Variants in SORCS2 observed in about 807,000 individuals in gnomAD.
SORCS2 encodes VPS10 domain-containing receptor SorCS2.
In SORCS2, 100 loss-of-function variants were observed where a neutral mutation model predicts 141.6. The observed-to-expected ratio is 0.71, with a 90% CI of 0.60 to 0.83. The LOEUF (loss-of-function observed/expected upper bound fraction) is 0.83. Among genes scored for constraint, SORCS2 ranks in the 40% least tolerant of loss-of-function variants. The pLI is 0.00. For synonymous variants in SORCS2, 789 were observed against 676.9 expected (o/e 1.17, Z -2.57); for missense variants, 1,646 against 1,560.2 (o/e 1.05, Z -0.93).
At chr4:7,649,883 G>A (rs1014361985) in intron 4 of SORCS2, among the ~76,000 whole-genome samples, 3 of 152,172 alleles carry the variant, frequency 2.0e-5, no homozygotes, top group African/African-American at 7.2e-5. Flanking sequence ...TGGTGCCCGT[G>A]ACAAGGACAC....
intron 12 of SORCS2, among the ~76,000 whole-genome samples, chr4:7,699,888 A>G (rs1724949434): frequency 6.6e-6 from 1 of 151,930 alleles, no homozygotes. Context: ...CTCCTAAATC[A>G]TTGTGGGAGC....
At chr4:7,731,336 G>A (rs1475235471) in intron 23 of SORCS2, among the ~76,000 whole-genome samples, 1 of 152,164 alleles carries the variant, frequency 6.6e-6, no homozygotes, top group Admixed American at 6.5e-5. Context: ...TCGACGGAAA[G>A]ATACCCTGTG....
rs533992044 is a variant in SORCS2, at chr4:7,445,336, G to C, written c.548+48981G>C. Among the ~76,000 whole-genome samples, 4 of 152,262 alleles carry C rather than the reference G, an allele frequency of 2.6e-5. No homozygotes were observed. In the East Asian group the frequency reaches 5.8e-4, roughly 22 times the overall value. On this transcript the variant is annotated intron_variant, in intron 2 of 26. Transcript: ENST00000507866. ...GTTGGGGACATCCAGAGGGAAAGCC[G>C]GGGGAGAGGAGCCAGGGTTGATGGG...
intron 3 of SORCS2, among the ~76,000 whole-genome samples, chr4:7,561,919 C>G (rs1214345832): frequency 6.6e-6 from 1 of 152,202 alleles, no homozygotes; most frequent in Non-Finnish European, 1.5e-5. Context: ...ATGCATCCAT[C>G]TACCTATCCA....
At chr4:7,395,227 C>T (rs1472508100) in intron 1 of SORCS2, among the ~76,000 whole-genome samples, 1 of 152,202 alleles carries the variant, frequency 6.6e-6, no homozygotes, top group Non-Finnish European at 1.5e-5. Flanking sequence ...TAGGTCAGCC[C>T]AGCTGCCATC....
At chr4:7,335,943 C>G in intron 1 of SORCS2, among the ~76,000 whole-genome samples, 1 of 152,304 alleles carries the variant, frequency 6.6e-6, no homozygotes. Context: ...AGACCCAGCT[C>G]GTGTCTCAGC....
At chr4:7,720,821 A>G (rs891841732) in intron 18 of SORCS2, among the ~76,000 whole-genome samples, 5 of 152,248 alleles carry the variant, frequency 3.3e-5, no homozygotes, top group African/African-American at 1.2e-4. Context: ...GACATTAAAA[A>G]TAGCGCCAGC....
At position 7,642,811 on chromosome 4, in the gene SORCS2, G is replaced by A. The variant is rs74581019; in HGVS notation, c.813+4319G>A. Among the ~76,000 whole-genome samples, 1,090 of 152,282 alleles carry A rather than the reference G, an allele frequency of 7.2e-3. 16 individuals are homozygous for A. The highest frequency in any genetic ancestry group is 0.025 in the African/African-American group (1,024 of 41,546). On this transcript the variant is annotated intron_variant, in intron 4 of 26. Transcript: ENST00000507866. ...ACTGGTGGAGTTTGCGTCCCCATAC[G>A]ACTCTTATGCTGAGAGCACACTATT...
At chr4:7,616,993 C>T (rs1055715395) in intron 3 of SORCS2, among the ~76,000 whole-genome samples, 3 of 152,180 alleles carry the variant, frequency 2.0e-5, no homozygotes, top group South Asian at 4.1e-4. Context: ...AGCAGGTGGA[C>T]AATTGGTCAC....
intron 1 of SORCS2, among the ~76,000 whole-genome samples, chr4:7,348,428 C>A (rs193093841): frequency 6.6e-6 from 1 of 152,188 alleles, no homozygotes; most frequent in African/African-American, 2.4e-5. Context: ...CACCTGCTTC[C>A]CCACAATGGC....
intron 24 of SORCS2, among the ~76,000 whole-genome samples, chr4:7,733,796 G>A (rs559677903): frequency 1.9e-4 from 29 of 152,312 alleles, no homozygotes; most frequent in African/African-American, 3.4e-4. Context: ...CGGCAGGTTC[G>A]CCCCACACCA....
At chr4:7,486,887 C>G (rs1313665507) in intron 2 of SORCS2, among the ~76,000 whole-genome samples, 13 of 152,240 alleles carry the variant, frequency 8.5e-5, no homozygotes, top group Non-Finnish European at 2.9e-5. Context: ...AGATCTTTAA[C>G]TTAATTACAT....
At chr4:7,564,785 T>G (rs1371924911) in intron 3 of SORCS2, among the ~76,000 whole-genome samples, 1 of 152,244 alleles carries the variant, frequency 6.6e-6, no homozygotes, top group African/African-American at 2.4e-5. Flanking sequence ...GCTGTTACAA[T>G]GAGTATTACA....
intron 3 of SORCS2, among the ~76,000 whole-genome samples, chr4:7,550,945 G>A (rs1713651857): frequency 6.6e-6 from 1 of 152,122 alleles, no homozygotes; most frequent in Non-Finnish European, 1.5e-5. Context: ...TGGCTTTCCT[G>A]CGGGTGTCTT....
intron 1 of SORCS2, among the ~76,000 whole-genome samples, chr4:7,254,162 G>T (rs1713695180): frequency 6.6e-6 from 1 of 152,188 alleles, no homozygotes; most frequent in Non-Finnish European, 1.5e-5. Context: ...CTCCAGCAAT[G>T]CTACTATTGA....
chr4:7,228,782 G>A (rs895050853), intron 1 of SORCS2, among the ~76,000 whole-genome samples: 3 of 152,232 alleles, frequency 2.0e-5, no homozygotes, highest in Non-Finnish European at 4.4e-5. Flanking sequence ...TGTGCTGGGT[G>A]GCTGGGCCCA....
At chr4:7,618,964 T>A (rs1208143913) in intron 3 of SORCS2, among the ~76,000 whole-genome samples, 1 of 151,962 alleles carries the variant, frequency 6.6e-6, no homozygotes, top group Non-Finnish European at 1.5e-5. Context: ...CACCCATAGG[T>A]CCTCGGAAGC....
chr4:7,711,188 G>C (rs934549950), intron 14 of SORCS2, among the ~76,000 whole-genome samples: 4 of 152,224 alleles, frequency 2.6e-5, no homozygotes, highest in African/African-American at 9.6e-5. Flanking sequence ...CTGTTCTGGA[G>C]AGTGGAGGCA....
chr4:7,399,813 T>C (rs6835739), intron 2 of SORCS2, among the ~76,000 whole-genome samples: 22,380 of 152,032 alleles, frequency 0.15, 1,798 homozygotes, highest in Non-Finnish European at 0.18. Context: ...AGTGCTGCAG[T>C]TTGGGCCAGC....
Sources: gnomAD v4.1 joint callset for allele counts (sites outside exome capture counted in the v4.1 genomes callset) on GRCh38, gnomAD v4.1.1 for gene constraint, MANE v1.5 for transcripts, NCBI Gene and HGNC (gene_info 2026-07-23, HGNC 2026-07-21) for gene names.